Variants in USH2A observed in about 807,000 individuals in gnomAD.
The protein encoded by USH2A is usherin.
Under a neutral mutation model 538.9 loss-of-function variants are expected in USH2A, and 443 were observed. That is an observed-to-expected ratio of 0.82 (90% CI 0.76 to 0.89). USH2A has a LOEUF of 0.89. Among genes scored for constraint, USH2A ranks in the 40% least tolerant of loss-of-function variants. USH2A has a pLI of 0.00. For missense variants in USH2A, 6,633 were observed against 6,324.8 expected (o/e 1.05, Z -1.65); for synonymous variants, 2,413 against 2,273.5 (o/e 1.06, Z -1.75).
At chr1:216,173,444 T>C (rs929134029) in intron 21 of USH2A, among the ~76,000 whole-genome samples, 20 of 152,218 alleles carry the variant, frequency 1.3e-4, no homozygotes, top group African/African-American at 4.8e-4. Context: ...CAGGGAGTAG[T>C]TCAAGCCAAA....
chr1:216,177,231 G>A (rs534716978), intron 20 of USH2A, among the ~76,000 whole-genome samples: 1 of 152,128 alleles, frequency 6.6e-6, no homozygotes, highest in African/African-American at 2.4e-5. Flanking sequence ...ATTTGGTGTT[G>A]TCAGTGTTCC....
At chr1:216,182,055 A>T (rs1446027177) in intron 20 of USH2A, among the ~76,000 whole-genome samples, 3 of 152,120 alleles carry the variant, frequency 2.0e-5, no homozygotes, top group Non-Finnish European at 4.4e-5. Context: ...TTAATAGGAT[A>T]CTTAGGCTTT....
chr1:215,845,707 C>G (rs1391033534), intron 45 of USH2A, 117 bp downstream of exon 45: 8 of 1,118,326 alleles, frequency 7.2e-6, no homozygotes, highest in African/African-American at 1.5e-5. Context: ...GCCTCCACCC[C>G]CTTCCCTCCC....
chr1:216,142,890 G>A (rs908808965), intron 21 of USH2A, among the ~76,000 whole-genome samples: 3 of 151,862 alleles, frequency 2.0e-5, no homozygotes, highest in Admixed American at 6.6e-5. Flanking sequence ...TTCCCCCCAC[G>A]TGTTTTAAAC....
chr1:215,918,505 C>A (rs530528794), intron 38 of USH2A, among the ~76,000 whole-genome samples: 1 of 152,200 alleles, frequency 6.6e-6, no homozygotes, highest in Non-Finnish European at 1.5e-5. Flanking sequence ...TCTGTCAGCA[C>A]CTTGATCCTG....
chr1:216,198,519 C>A lies in USH2A; in HGVS notation c.3877G>T (p.Glu1293Ter), dbSNP rs1232818145. 1 of 1,613,924 alleles carries A rather than the reference C, an allele frequency of 6.2e-7. No homozygotes were observed. The change falls in exon 18 of 72, where the codon GAA becomes TAA. Residue 1293 changes from glutamate to a stop codon, truncating the protein, a stop_gained. Coordinates refer to ENST00000307340, the MANE Select transcript of USH2A (RefSeq NM_206933.4). LOFTEE classifies it high-confidence loss of function. The stretch of plus-strand genomic sequence containing the variant: ...CCACTGCTCTGAAAAACTCGACTTT[C>A]CTCAGATGTGGTTTCTTTAGTAGAT... The part of the protein sequence containing the change: ...LRSTKETTSE[E>*]SRVFQSSGWL...
At position 215,766,778 on chromosome 1, in the gene USH2A, T is replaced by C. The variant is rs372690499; in HGVS notation, c.10950A>G (p.Pro3650=). 13 of 1,613,438 alleles carry C rather than the reference T, an allele frequency of 8.1e-6. No homozygotes were observed. The highest frequency in any genetic ancestry group is 1.3e-5 in the African/African-American group (1 of 74,880). The change falls in exon 56 of 72, where the codon CCA becomes CCG. Residue 3650 remains proline, a synonymous_variant. Transcript: ENST00000307340. ...RRQHTVTGLQ[P]YTNYSFTLTA... ...TAAGAGTGAAGCTGTAGTTGGTGTA[T>C]GGCTGGAGACCTAGAAAAAGCAAGC...
chr1:215,803,703 A>G (rs1662407275), intron 49 of USH2A, among the ~76,000 whole-genome samples: 1 of 152,210 alleles, frequency 6.6e-6, no homozygotes, highest in Admixed American at 6.5e-5. Flanking sequence ...AAATGGCCAT[A>G]CCGCCCAAGG....
In USH2A at chr1:216,089,139, C is replaced by G. The variant is rs566642953; in HGVS notation, c.4759G>C (p.Gly1587Arg). The change falls in exon 23 of 72, where the codon GGG (glycine) becomes CGG (arginine). Residue 1587 changes from glycine to arginine, a missense_variant and splice_region_variant. By Grantham distance (125) the Gly-to-Arg change is moderately radical. Transcript: ENST00000307340. ...GTTGTAGTTACTTCCACTGGTGACC[C>G]CTTAAGGGAATGAATGAATAAATAA... ...GRLYFLFDPQ[G>R]SPVEVTTTND... 6.2e-7 allele frequency: 1 copy of G among 1,612,074 alleles called. No individual in the cohort carries two copies. Among genetic ancestry groups the G allele is most frequent in the Middle Eastern group, 1.7e-4 (1 of 6,052 alleles).
chr1:215,897,064 G>GA (rs746489723), intron 40 of USH2A, among the ~76,000 whole-genome samples: 16 of 151,160 alleles, frequency 1.1e-4, no homozygotes, highest in African/African-American at 1.2e-4. Flanking sequence ...CAAATTATTT[G>GA]AAAAAAAAAT....
chr1:216,235,636 TGCATA>T (rs2102528119), intron 13 of USH2A, among the ~76,000 whole-genome samples: 1 of 152,326 alleles, frequency 6.6e-6, no homozygotes. Context: ...AGCGGCTATT[TGCATA>T]GCACAGTACT....
chr1:216,310,321 C>T (rs1295966290), intron 9 of USH2A, among the ~76,000 whole-genome samples: 1 of 151,880 alleles, frequency 6.6e-6, no homozygotes, highest in African/African-American at 2.4e-5. Flanking sequence ...CTTTTTAAAA[C>T]TTTTTTGGGG....
At chr1:215,937,340 G>T (rs1302496344) in intron 37 of USH2A, among the ~76,000 whole-genome samples, 6 of 151,996 alleles carry the variant, frequency 3.9e-5, no homozygotes, top group African/African-American at 4.8e-5. Context: ...ATTTCATTAT[G>T]CACTAAAAAG....
Position 216,199,768 on chromosome 1 carries a change from T to TAC in USH2A, c.3668_3669dup (p.Thr1224ValfsTer14). On this transcript the variant is annotated frameshift_variant, in exon 17 of 72. Coordinates refer to ENST00000307340, the MANE Select transcript of USH2A (RefSeq NM_206933.4). LOFTEE classifies it high-confidence loss of function. ...AAGCTGTGTAAACAGCCCCCGCTAGTACACGCCTGTACAGAAAAATCGTAC... is the reference window on the plus strand; with the variant it reads ...AAGCTGTGTAAACAGCCCCCGCTAGTACACACGCCTGTACAGAAAAATCGTAC... 6.2e-7 allele frequency: 1 copy of TAC among 1,614,102 alleles called. No homozygotes were observed. Among genetic ancestry groups the TAC allele is most frequent in the Non-Finnish European group, 8.5e-7 (1 of 1,179,998 alleles).
At chr1:216,005,176 C>A (rs1254778348) in intron 32 of USH2A, among the ~76,000 whole-genome samples, 1 of 152,128 alleles carries the variant, frequency 6.6e-6, no homozygotes, top group Admixed American at 6.5e-5. Context: ...ACTTCTGGGC[C>A]TTTGCAGGTG....
At chr1:215,870,546 C>T (rs78945550) in intron 43 of USH2A, among the ~76,000 whole-genome samples, 8,930 of 151,356 alleles carry the variant, frequency 0.059, 328 homozygotes, top group Non-Finnish European at 0.083. Context: ...CCACCCACCT[C>T]GGCCTCCCAC....
At chr1:216,295,225 T>C (rs1405331381) in intron 9 of USH2A, among the ~76,000 whole-genome samples, 1 of 151,786 alleles carries the variant, frequency 6.6e-6, no homozygotes, top group East Asian at 1.9e-4. Context: ...AAAAAAATAT[T>C]GTCAATTTTA....
chr1:216,168,851 A>G (rs1425651743), intron 21 of USH2A, among the ~76,000 whole-genome samples: 1 of 152,088 alleles, frequency 6.6e-6, no homozygotes, highest in Non-Finnish European at 1.5e-5. Flanking sequence ...ACTCACCACA[A>G]GAGGACAGCT....
intron 9 of USH2A, among the ~76,000 whole-genome samples, chr1:216,301,907 C>T (rs1398382): frequency 0.58 from 87,624 of 151,952 alleles, 27,574 homozygotes; most frequent in East Asian, 0.75. Context: ...AATTGTCCTC[C>T]GGCTCTATTC....
Sources: allele counts gnomAD v4.1 joint callset (sites outside exome capture counted in the v4.1 genomes callset), GRCh38; gene constraint gnomAD v4.1.1; transcripts MANE v1.5; gene names NCBI Gene and HGNC (gene_info 2026-07-23, HGNC 2026-07-21).